The following NTMT2 variants were observed in gnomAD, a reference collection of about 807,000 sequenced individuals.
The protein encoded by NTMT2 is N-terminal Xaa-Pro-Lys N-methyltransferase 2.
Under a neutral mutation model 23.4 loss-of-function variants are expected in NTMT2, and 21 were observed. The ratio of observed to expected loss-of-function variants is 0.90; its 90% CI spans 0.64 to 1.29. The LOEUF is 1.29. NTMT2 is among the 50% of genes most tolerant of loss of function. NTMT2 has a pLI of 0.00. For missense variants in NTMT2, 336 were observed against 352.0 expected, an observed-to-expected ratio of 0.95 and a Z score of 0.36; for synonymous variants, 131 against 127.7, an observed-to-expected ratio of 1.03 and a Z score of -0.17.
chr1:170,158,774 T>A (rs1361478811), intron 1 of NTMT2, among the ~76,000 whole-genome samples: 1 of 152,024 alleles, frequency 6.6e-6, no homozygotes, highest in Admixed American at 6.5e-5. Flanking sequence ...GTCCTGGAAA[T>A]TTACTCAACT....
intron 2 of NTMT2, among the ~76,000 whole-genome samples, chr1:170,162,425 T>C (rs1165603862): frequency 1.3e-5 from 2 of 152,164 alleles, no homozygotes; most frequent in Non-Finnish European, 2.9e-5. Flanking sequence ...TAGATAAAAA[T>C]GTGATCAGGA....
chr1:170,159,550 G>T (rs867095819), intron 1 of NTMT2, among the ~76,000 whole-genome samples: 1 of 148,806 alleles, frequency 6.7e-6, no homozygotes, highest in South Asian at 2.1e-4. Flanking sequence ...GCTTTGTTCC[G>T]TCTGCTTTTT....
At chr1:170,166,165 A>T (rs1382090868) in intron 2 of NTMT2, among the ~76,000 whole-genome samples, 1 of 99,824 alleles carries the variant, frequency 1.0e-5, no homozygotes. Flanking sequence ...TTTGAGACGG[A>T]GTCTCGCTCT....
intron 1 of NTMT2, among the ~76,000 whole-genome samples, chr1:170,159,420 G>GTTTTTTTTT (rs1673225599): frequency 6.8e-5 from 6 of 88,188 alleles, no homozygotes; most frequent in Admixed American, 1.4e-4. Context: ...TTTATGCTCT[G>GTTTTTTTTT]GTTTTTTTTT....
At chr1:170,158,259 A>G (rs899084760) in intron 1 of NTMT2, 50 of 152,114 alleles carry the variant, frequency 3.3e-4, no homozygotes, top group Non-Finnish European at 2.9e-5. Flanking sequence ...TCTTTTGAAC[A>G]TAGAGTTGCC....
At chr1:170,159,686 T>G (rs1480088823) in intron 1 of NTMT2, among the ~76,000 whole-genome samples, 2 of 152,152 alleles carry the variant, frequency 1.3e-5, no homozygotes. Flanking sequence ...GACAAATGCA[T>G]GTACTCAGCC....
At chr1:170,146,523 T>A (rs76411981) in intron 1 of NTMT2, among the ~76,000 whole-genome samples, 4,084 of 152,262 alleles carry the variant, frequency 0.027, 79 homozygotes, top group Non-Finnish European at 0.043. Context: ...TGGGTGTCTG[T>A]TGCATGAGTA....
chr1:170,149,947 G>A (rs1319809278), intron 1 of NTMT2, among the ~76,000 whole-genome samples: 1 of 152,160 alleles, frequency 6.6e-6, no homozygotes, highest in Non-Finnish European at 1.5e-5. Context: ...ATAAAACTTA[G>A]CCAGAAGAGA....
intron 1 of NTMT2, among the ~76,000 whole-genome samples, chr1:170,147,285 A>T (rs565288115): frequency 1.8e-4 from 27 of 152,206 alleles, no homozygotes; most frequent in Admixed American, 2.6e-4. Flanking sequence ...TTTATCGTCT[A>T]TGACTTTATT....
chr1:170,160,839 C>G, intron 2 of NTMT2, 146 bp downstream of exon 2: 1 of 627,374 alleles, frequency 1.6e-6, no homozygotes, highest in Non-Finnish European at 2.6e-6. Context: ...TTAAGATGTT[C>G]AGAAAGGATG....
At position 170,160,524 on chromosome 1, in the gene NTMT2, T is replaced by G. The variant is rs763427802; in HGVS notation, c.161T>G (p.Leu54Trp). 2.9e-5 allele frequency: 45 copies of G among 1,530,230 alleles called. No homozygotes were observed. In the South Asian group the frequency reaches 5.7e-4, roughly 19 times the overall value. The allele number at this position is 1,530,230 out of a possible 1,614,324, so 94.8% of individuals were successfully genotyped here. Reference protein sequence around the residue: ...YLLEKIPLVKLYALTSQVING... With the variant: ...YLLEKIPLVKWYALTSQVING... ...AATAATGTTTCATTTGCAGTGAAAT[T>G]GTACGCTTTAACAAGCCAAGTCATC... Residue 54 changes from leucine (L) to tryptophan (W), a missense_variant, in exon 2 of 4, where the codon TTG becomes TGG. By Grantham distance (61) the Leu-to-Trp change is moderately conservative. Transcript: ENST00000439373.
rs1260491514 is a variant in NTMT2, at chr1:170,166,863, T to C, written c.580+112T>C. On this transcript the variant is annotated intron_variant, in intron 3 of 3. Coordinates refer to ENST00000439373, the MANE Select transcript of NTMT2 (RefSeq NM_001136107.2). ...GAGTTAGCTGTAGTACTTCAAGCAG[T>C]TAGCTAGCCTTAGGTGTCATGTGAA... The C allele has an allele frequency of 4.5e-6, 5 of 1,117,232 alleles. No individual in the cohort carries two copies. The Admixed American group carries it at 1.2e-4, about 27-fold the overall frequency. The allele number at this position is 1,117,232 out of a possible 1,614,324, so 69.2% of individuals were successfully genotyped here. A position where few individuals can be genotyped will look rare whatever the true frequency, so the allele number is the denominator to read the frequency against.
chr1:170,166,895 C>G, intron 3 of NTMT2, 144 bp downstream of exon 3: 1 of 772,318 alleles, frequency 1.3e-6, no homozygotes, highest in Admixed American at 2.9e-5. Context: ...TGAACTCCCA[C>G]AAAACTCTGA....
intron 2 of NTMT2, among the ~76,000 whole-genome samples, chr1:170,163,263 T>C (rs1169748332): frequency 6.6e-6 from 1 of 152,226 alleles, no homozygotes; most frequent in Non-Finnish European, 1.5e-5. Flanking sequence ...TTTGGTACTT[T>C]GACCTTCATA....
intron 1 of NTMT2, among the ~76,000 whole-genome samples, chr1:170,158,335 GTATT>G (rs1261895487): frequency 3.3e-5 from 5 of 151,914 alleles, no homozygotes; most frequent in African/African-American, 7.2e-5. Context: ...TTTAGTGTAA[GTATT>G]TACCCTGGAA....
chr1:170,147,865 T>C (rs1672995705), intron 1 of NTMT2, among the ~76,000 whole-genome samples: 1 of 152,236 alleles, frequency 6.6e-6, no homozygotes, highest in Non-Finnish European at 1.5e-5. Flanking sequence ...TTGGCACAAA[T>C]GGACTATAAT....
intron 1 of NTMT2, among the ~76,000 whole-genome samples, chr1:170,152,259 A>G (rs1217229080): frequency 6.6e-6 from 1 of 152,214 alleles, no homozygotes; most frequent in East Asian, 1.9e-4. Flanking sequence ...CCACTATAAA[A>G]TTCTACAGAG....
chr1:170,158,922 T>G lies in NTMT2; in HGVS notation c.155-1596T>G, dbSNP rs1673215160. Among the ~76,000 whole-genome samples the G allele has an allele frequency of 3.9e-5, 6 of 152,042 alleles. No homozygotes were observed. The South Asian group carries it at 1.2e-3, about 31-fold the overall frequency. ...CATATCTCTTCAAAGATTTATGAGT[T>G]TTTCGTTTGTTTTGGCTTAAATTCT... On this transcript the variant is annotated intron_variant, in intron 1 of 3. Coordinates refer to ENST00000439373, the MANE Select transcript of NTMT2 (RefSeq NM_001136107.2).
chr1:170,154,174 T>C (rs1427219582), intron 1 of NTMT2, among the ~76,000 whole-genome samples: 1 of 152,104 alleles, frequency 6.6e-6, no homozygotes, highest in Non-Finnish European at 1.5e-5. Context: ...GCAAGAGTAG[T>C]GGAGGCTGCC....
Sources: gnomAD v4.1 joint callset for allele counts (sites outside exome capture counted in the v4.1 genomes callset) on GRCh38, gnomAD v4.1.1 for gene constraint, MANE v1.5 for transcripts, NCBI Gene and HGNC (gene_info 2026-07-23, HGNC 2026-07-21) for gene names.